The following GPC5 variants were observed in gnomAD, a reference collection of about 807,000 sequenced individuals.
GPC5 encodes glypican 5.
In GPC5, 47 loss-of-function variants were observed where a neutral mutation model predicts 53.9. That is an observed-to-expected ratio of 0.87 (90% CI 0.69 to 1.11). The LOEUF is 1.11. GPC5 is among the 50% of genes most tolerant of loss of function. The pLI is 0.00. For synonymous variants in GPC5, 286 were observed against 263.3 expected (o/e 1.09, Z -0.84); for missense variants, 748 against 713.1 (o/e 1.05, Z -0.56).
intron 6 of GPC5, among the ~76,000 whole-genome samples, chr13:91,972,258 A>C (rs1348181471): frequency 6.6e-6 from 1 of 152,100 alleles, no homozygotes; most frequent in Non-Finnish European, 1.5e-5. Context: ...GTTGGTTTAA[A>C]GTCTGTTTTA....
At chr13:92,176,748 C>T (rs1013438800) in intron 7 of GPC5, among the ~76,000 whole-genome samples, 1 of 152,128 alleles carries the variant, frequency 6.6e-6, no homozygotes, top group Non-Finnish European at 1.5e-5. Context: ...CCTCAACGGC[C>T]ACATCCAAGC....
intron 7 of GPC5, among the ~76,000 whole-genome samples, chr13:92,166,210 A>G (rs1192458747): frequency 6.6e-6 from 1 of 152,158 alleles, no homozygotes; most frequent in Non-Finnish European, 1.5e-5. Flanking sequence ...CCCTGATTAT[A>G]TTTTTGAGAG....
intron 5 of GPC5, among the ~76,000 whole-genome samples, chr13:91,831,077 A>G (rs985176551): frequency 7.2e-6 from 1 of 139,582 alleles, no homozygotes; most frequent in Non-Finnish European, 1.5e-5. Flanking sequence ...TCCTATTATT[A>G]TATATAATAA....
intron 6 of GPC5, among the ~76,000 whole-genome samples, chr13:92,141,061 AC>A (rs756955974): frequency 2.0e-5 from 3 of 152,164 alleles, no homozygotes; most frequent in Non-Finnish European, 2.9e-5. Flanking sequence ...AGATAAGCAA[AC>A]TTTTAAGAAG....
chr13:92,410,111 T>C (rs1875977251), intron 7 of GPC5, among the ~76,000 whole-genome samples: 1 of 152,216 alleles, frequency 6.6e-6, no homozygotes, highest in East Asian at 1.9e-4. Context: ...CTGATGTTTT[T>C]ACAGAACGTT....
At chr13:92,431,255 A>G (rs1877070170) in intron 7 of GPC5, among the ~76,000 whole-genome samples, 1 of 152,206 alleles carries the variant, frequency 6.6e-6, no homozygotes, top group South Asian at 2.1e-4. Flanking sequence ...TTTCATTCAA[A>G]TAGTTGAACA....
At chr13:91,417,990 C>T (rs79977929) in intron 1 of GPC5, among the ~76,000 whole-genome samples, 5,360 of 152,202 alleles carry the variant, frequency 0.035, 140 homozygotes, top group Non-Finnish European at 0.051. Context: ...AACATTTATA[C>T]GTTTTAAATT....
At chr13:91,402,162 T>C (rs1197459228) in intron 1 of GPC5, among the ~76,000 whole-genome samples, 1 of 152,194 alleles carries the variant, frequency 6.6e-6, no homozygotes, top group Admixed American at 6.5e-5. Context: ...TCATAAAAAA[T>C]AATACATTTA....
At chr13:92,460,490 T>C (rs1269958552) in intron 7 of GPC5, among the ~76,000 whole-genome samples, 1 of 152,098 alleles carries the variant, frequency 6.6e-6, no homozygotes, top group Non-Finnish European at 1.5e-5. Flanking sequence ...TTGCCATGGG[T>C]CTAATAAATT....
At chr13:91,418,601 A>G (rs1447314375) in intron 1 of GPC5, among the ~76,000 whole-genome samples, 1 of 152,160 alleles carries the variant, frequency 6.6e-6, no homozygotes, top group African/African-American at 2.4e-5. Flanking sequence ...GTGAGTGTGG[A>G]AGGAAAGGTG....
chr13:92,769,506 A>G (rs1570971), intron 7 of GPC5, among the ~76,000 whole-genome samples: 84,034 of 151,776 alleles, frequency 0.55, 24,024 homozygotes, highest in East Asian at 0.9. Context: ...AGGAAGGAAA[A>G]GAAGGGGGAT....
intron 6 of GPC5, among the ~76,000 whole-genome samples, chr13:92,043,215 G>T (rs910715317): frequency 7.2e-5 from 11 of 152,180 alleles, no homozygotes; most frequent in African/African-American, 2.4e-4. Flanking sequence ...AAGAAATAGT[G>T]GTTGAAAACA....
intron 6 of GPC5, among the ~76,000 whole-genome samples, chr13:92,043,088 A>C (rs1030469476): frequency 6.6e-5 from 10 of 152,194 alleles, no homozygotes; most frequent in African/African-American, 2.4e-4. Context: ...AGAAGAAAAA[A>C]CTATGAAGGA....
At chr13:92,583,617 A>G (rs1883439399) in intron 7 of GPC5, among the ~76,000 whole-genome samples, 1 of 152,230 alleles carries the variant, frequency 6.6e-6, no homozygotes, top group South Asian at 2.1e-4. Flanking sequence ...TTGTAAGGAA[A>G]GGGCCATCTT....
At position 92,507,405 on chromosome 13, in the gene GPC5, C is replaced by T. The variant is rs566696452; in HGVS notation, c.1562-358877C>T. 1.9e-3 allele frequency among the ~76,000 whole-genome samples: 284 copies of T among 152,246 alleles called. 1 individual carries two copies. The highest frequency in any genetic ancestry group is 2.4e-3 in the Non-Finnish European group (166 of 68,008). On this transcript the variant is annotated intron_variant, in intron 7 of 7. Coordinates refer to ENST00000377067, the MANE Select transcript of GPC5 (RefSeq NM_004466.6). ...AATGAATGAATTTAGCTTTCTTTGG[C>T]TTCAGTCCTTTCATTATAAAACATC... is the stretch of plus-strand genomic sequence containing the variant.
At chr13:92,306,297 C>G (rs534290772) in intron 7 of GPC5, among the ~76,000 whole-genome samples, 1 of 152,152 alleles carries the variant, frequency 6.6e-6, no homozygotes, top group African/African-American at 2.4e-5. Flanking sequence ...CTGGAGATCT[C>G]AGACTCAATG....
intron 2 of GPC5, among the ~76,000 whole-genome samples, chr13:91,572,076 C>G (rs2031899857): frequency 7.4e-6 from 1 of 134,636 alleles, no homozygotes; most frequent in Non-Finnish European, 1.5e-5. Flanking sequence ...TATATACACA[C>G]ATATGTATAT....
intron 7 of GPC5, among the ~76,000 whole-genome samples, chr13:92,406,993 G>A (rs936440391): frequency 6.6e-6 from 1 of 151,838 alleles, no homozygotes; most frequent in African/African-American, 2.4e-5. Flanking sequence ...TTCTAGTTAA[G>A]GTTTGAATAA....
At chr13:92,460,223 G>A (rs1161112163) in intron 7 of GPC5, among the ~76,000 whole-genome samples, 1 of 151,778 alleles carries the variant, frequency 6.6e-6, no homozygotes, top group African/African-American at 2.4e-5. Flanking sequence ...ATATTTAAGG[G>A]GTACAATTTG....
Sources: gnomAD v4.1 joint callset for allele counts (sites outside exome capture counted in the v4.1 genomes callset) on GRCh38, gnomAD v4.1.1 for gene constraint, MANE v1.5 for transcripts, NCBI Gene and HGNC (gene_info 2026-07-23, HGNC 2026-07-21) for gene names.